Variants in EHBP1 observed in about 807,000 individuals in gnomAD.
EHBP1 encodes the protein EH domain binding protein 1.
EHBP1 carries 55 observed loss-of-function variants against 144.0 expected under a neutral mutation model. The observed-to-expected ratio is 0.38, with a 90% CI of 0.31 to 0.48. The LOEUF is 0.48. Ranked by LOEUF, EHBP1 falls within the 20% of genes least tolerant of loss-of-function variation. The probability of loss-of-function intolerance (pLI) is 0.98; values close to 1 mark genes in which losing one functional copy is unlikely to be tolerated. For synonymous variants in EHBP1, 469 were observed against 472.7 expected (o/e 0.99, Z 0.10); for missense variants, 1,200 against 1,364.2 (o/e 0.88, Z 1.90).
intron 19 of EHBP1, among the ~76,000 whole-genome samples, chr2:63,009,028 T>TG (rs1367686983): frequency 6.6e-6 from 1 of 151,644 alleles, no homozygotes; most frequent in African/African-American, 2.4e-5. Context: ...TGGAATGGAC[T>TG]TTAATGGCAG....
At chr2:62,951,146 C>G (rs1230660343) in intron 13 of EHBP1, among the ~76,000 whole-genome samples, 2 of 152,130 alleles carry the variant, frequency 1.3e-5, no homozygotes, top group East Asian at 1.9e-4. Flanking sequence ...AAATAGTCCT[C>G]AAGTGGTGTT....
chr2:62,955,546 T>G lies in EHBP1; in HGVS notation c.2346T>G (p.Leu782=). ...QHRLLSRQEE[L]KERARVLLEQ... ...GATTGTTATCTAGACAAGAAGAACT[T>G]AAGGAAAGAGCAAGAGTTCTGCTTG... Residue 782 remains leucine (L), a synonymous_variant, in exon 14 of 23, where the codon CTT becomes CTG. Transcript: ENST00000431489. 1 of 1,612,712 alleles carries G rather than the reference T, an allele frequency of 6.2e-7. No homozygotes were observed. The highest frequency in any genetic ancestry group is 8.5e-7 in the Non-Finnish European group (1 of 1,179,168).
intron 19 of EHBP1, among the ~76,000 whole-genome samples, chr2:63,019,918 G>A (rs2153276078): frequency 6.6e-6 from 1 of 150,526 alleles, no homozygotes; most frequent in South Asian, 2.1e-4. Flanking sequence ...GCTGGGTGCG[G>A]TGGCTCATGC....
Position 62,778,305 on chromosome 2 carries a change from G to A in EHBP1, c.312+6913G>A, listed in dbSNP as rs1055583743. On this transcript the variant is annotated intron_variant, in intron 5 of 22. Coordinates refer to ENST00000431489, the MANE Select transcript of EHBP1 (RefSeq NM_001142616.3). ...CTGAATCTTAACACTTTGGGAGCCC[G>A]AGGTGGAAGTATTGCTTGAGCTCAG... Among the ~76,000 whole-genome samples the A allele has an allele frequency of 1.1e-4, 17 of 152,212 alleles. No individual in the cohort carries two copies. The East Asian group carries it at 2.1e-3, about 19-fold the overall frequency.
At chr2:62,905,932 C>T (rs2053774874) in intron 10 of EHBP1, among the ~76,000 whole-genome samples, 1 of 151,994 alleles carries the variant, frequency 6.6e-6, no homozygotes, top group African/African-American at 2.4e-5. Flanking sequence ...GTTTAGATTA[C>T]AGTGGTGATA....
At chr2:62,951,532 TTTG>T (rs1445294014) in intron 13 of EHBP1, among the ~76,000 whole-genome samples, 2 of 129,250 alleles carry the variant, frequency 1.5e-5, no homozygotes, top group Non-Finnish European at 3.3e-5. Flanking sequence ...TTTTTTTTTT[TTTG>T]GGGGGGGGGG....
At chr2:62,960,886 T>G (rs775130151) in intron 14 of EHBP1, among the ~76,000 whole-genome samples, 2 of 152,214 alleles carry the variant, frequency 1.3e-5, no homozygotes, top group Non-Finnish European at 2.9e-5. Flanking sequence ...TTCCTTGCTA[T>G]TCTCGAATCG....
intron 5 of EHBP1, among the ~76,000 whole-genome samples, chr2:62,775,932 T>C (rs190551563): frequency 1.3e-5 from 2 of 152,292 alleles, no homozygotes; most frequent in Admixed American, 6.5e-5. Flanking sequence ...TGAAAAGAGA[T>C]CATTTGAAAT....
chr2:62,896,113 A>G (rs2052904471), intron 10 of EHBP1, among the ~76,000 whole-genome samples: 1 of 152,178 alleles, frequency 6.6e-6, no homozygotes, highest in South Asian at 2.1e-4. Flanking sequence ...AATATACATA[A>G]AAATCATGGT....
At chr2:63,042,509 CCT>C (rs2061706237) in intron 21 of EHBP1, among the ~76,000 whole-genome samples, 1 of 151,914 alleles carries the variant, frequency 6.6e-6, no homozygotes, top group South Asian at 2.1e-4. Context: ...ATTTTAAAAA[CCT>C]ATAAATTTAT....
At chr2:62,790,081 T>C (rs1573364287) in intron 5 of EHBP1, among the ~76,000 whole-genome samples, 1 of 152,194 alleles carries the variant, frequency 6.6e-6, no homozygotes, top group East Asian at 1.9e-4. Flanking sequence ...CCCAGGTGAA[T>C]ATTTATATTT....
At chr2:62,814,033 G>T (rs2045258425) in intron 5 of EHBP1, among the ~76,000 whole-genome samples, 4 of 152,186 alleles carry the variant, frequency 2.6e-5, no homozygotes, top group Admixed American at 2.6e-4. Context: ...GGGATGGAAT[G>T]AATGTATTTT....
intron 19 of EHBP1, among the ~76,000 whole-genome samples, chr2:63,036,176 T>A (rs1333592011): frequency 6.6e-6 from 1 of 152,074 alleles, no homozygotes; most frequent in African/African-American, 2.4e-5. Context: ...TTTGTATTAA[T>A]GTAGAAATAC....
intron 8 of EHBP1, among the ~76,000 whole-genome samples, chr2:62,862,888 G>A (rs1196105720): frequency 6.6e-6 from 1 of 151,648 alleles, no homozygotes; most frequent in Admixed American, 6.6e-5. Context: ...ACAAATTCTT[G>A]TTTTGTTTTA....
chr2:63,028,263 A>G (rs2061072570), intron 19 of EHBP1, among the ~76,000 whole-genome samples: 1 of 152,186 alleles, frequency 6.6e-6, no homozygotes, highest in African/African-American at 2.4e-5. Flanking sequence ...GAAGGTACAT[A>G]GGAAGGATAT....
chr2:63,033,284 A>G (rs2061334893), intron 19 of EHBP1, among the ~76,000 whole-genome samples: 1 of 152,180 alleles, frequency 6.6e-6, no homozygotes. Context: ...GACAATTTGT[A>G]ATGGCAGGTT....
At position 62,754,378 on chromosome 2, in the gene EHBP1, C is replaced by T. The variant is rs553924898; in HGVS notation, c.162+6926C>T. 1.0e-3 allele frequency among the ~76,000 whole-genome samples: 156 copies of T among 152,238 alleles called. 1 individual carries two copies. The highest frequency in any genetic ancestry group is 3.6e-3 in the African/African-American group (148 of 41,554). On this transcript the variant is annotated intron_variant, in intron 3 of 22. Coordinates refer to ENST00000431489, the MANE Select transcript of EHBP1 (RefSeq NM_001142616.3). Reference sequence around the variant, plus strand: ...GCCTCATCTCAGAGGGGTACCTGGCCGTGTGAGGTTTCAGTCTGCCTCTAC... The same window carrying T: ...GCCTCATCTCAGAGGGGTACCTGGCTGTGTGAGGTTTCAGTCTGCCTCTAC...
At chr2:62,889,079 T>G (rs992038146) in intron 10 of EHBP1, among the ~76,000 whole-genome samples, 3 of 101,370 alleles carry the variant, frequency 3.0e-5, no homozygotes, top group Admixed American at 1.0e-4. Context: ...TTTTTTTTTT[T>G]TTGAGGCAGA....
At chr2:62,804,500 A>G (rs2044291027) in intron 5 of EHBP1, among the ~76,000 whole-genome samples, 1 of 152,234 alleles carries the variant, frequency 6.6e-6, no homozygotes, top group African/African-American at 2.4e-5. Context: ...AGAAGTGAAT[A>G]TTTATTAAAT....
Sources: allele counts gnomAD v4.1 joint callset (sites outside exome capture counted in the v4.1 genomes callset), GRCh38; gene constraint gnomAD v4.1.1; transcripts MANE v1.5; gene names NCBI Gene and HGNC (gene_info 2026-07-23, HGNC 2026-07-21).